The following TRPM3 variants were observed in gnomAD, a reference collection of about 807,000 sequenced individuals.
TRPM3 encodes the protein long transient receptor potential channel 3.
A neutral mutation model predicts 181.2 loss-of-function variants in TRPM3; 77 were observed. That is an observed-to-expected ratio of 0.42 (90% confidence interval 0.35 to 0.51). TRPM3 has a LOEUF of 0.51. TRPM3 is among the 20% of genes least tolerant of loss of function. The pLI is 0.01. For synonymous variants in TRPM3, 745 were observed against 796.4 expected (o/e 0.94, Z 1.09); for missense variants, 1,759 against 2,196.7 (o/e 0.80, Z 3.98).
chr9:71,432,001 T>C (rs947792388), intron 1 of TRPM3, among the ~76,000 whole-genome samples: 1 of 152,220 alleles, frequency 6.6e-6, no homozygotes, highest in Admixed American at 6.5e-5. Context: ...ATACAGTCGT[T>C]GCCCTGAAGG....
intron 1 of TRPM3, among the ~76,000 whole-genome samples, chr9:71,234,534 G>C (rs1464435046): frequency 1.3e-5 from 2 of 152,124 alleles, no homozygotes; most frequent in African/African-American, 4.8e-5. Flanking sequence ...TCAAGGTGTT[G>C]GCAGCATTGG....
chr9:70,536,350 A>G lies in TRPM3; in HGVS notation c.4763T>C (p.Val1588Ala), dbSNP rs765049568. The change falls in exon 26 of 26, where the codon GTG becomes GCG. Residue 1588 changes from valine to alanine, a missense_variant. By Grantham distance (64) the Val-to-Ala change is moderately conservative (BLOSUM62 0). Coordinates refer to ENST00000677713, the MANE Select transcript of TRPM3 (RefSeq NM_001366145.2). Reference protein sequence around the residue: ...AAFPGGLGDKVEDLTCCHPER... With the variant: ...AAFPGGLGDKAEDLTCCHPER... Reference sequence around the variant, plus strand: ...TGGATGGCAGCAAGTTAAGTCCTCCACTTTGTCTCCAAGACCTCCAGGGAA... The same window carrying G: ...TGGATGGCAGCAAGTTAAGTCCTCCGCTTTGTCTCCAAGACCTCCAGGGAA... 79 of 1,613,850 alleles carry G rather than the reference A, an allele frequency of 4.9e-5. No homozygotes were observed. The highest frequency in any genetic ancestry group is 6.5e-5 in the Non-Finnish European group (77 of 1,179,986).
chr9:71,133,997 G>A (rs2074561008), intron 1 of TRPM3, among the ~76,000 whole-genome samples: 1 of 148,814 alleles, frequency 6.7e-6, no homozygotes. Context: ...GTGTGTGTGT[G>A]TGTGTGTGTG....
At chr9:71,110,489 T>C (rs554184648) in intron 1 of TRPM3, among the ~76,000 whole-genome samples, 78 of 152,332 alleles carry the variant, frequency 5.1e-4, no homozygotes, top group South Asian at 4.1e-3. Context: ...CGATGTAATA[T>C]GAATTGAGTA....
chr9:71,255,901 C>T (rs1393567727), intron 1 of TRPM3, among the ~76,000 whole-genome samples: 1 of 152,052 alleles, frequency 6.6e-6, no homozygotes, highest in Non-Finnish European at 1.5e-5. Flanking sequence ...CAGCTGTTGC[C>T]ACAATTATCT....
At chr9:71,101,447 G>T (rs533135772) in intron 1 of TRPM3, among the ~76,000 whole-genome samples, 1 of 152,264 alleles carries the variant, frequency 6.6e-6, no homozygotes, top group African/African-American at 2.4e-5. Context: ...TGACCGAAGG[G>T]AAGGCTGAAT....
chr9:71,020,477 GA>G (rs71367248), intron 1 of TRPM3, among the ~76,000 whole-genome samples: 1,347 of 113,572 alleles, frequency 0.012, 16 homozygotes, highest in East Asian at 0.1. Context: ...ACCCCGTCTT[GA>G]AAAAAAAAAA....
intron 1 of TRPM3, among the ~76,000 whole-genome samples, chr9:71,349,262 TTGAC>T (rs772714437): frequency 5.8e-4 from 88 of 152,200 alleles, no homozygotes; most frequent in African/African-American, 1.8e-3. Flanking sequence ...AAATCAGTCT[TTGAC>T]TGAGAAAATT....
At chr9:70,778,410 T>C (rs2081859627) in intron 7 of TRPM3, among the ~76,000 whole-genome samples, 1 of 152,166 alleles carries the variant, frequency 6.6e-6, no homozygotes. Context: ...CCCTGCCTTA[T>C]TCATCTTCCA....
At chr9:70,577,651 A>G (rs1335640225) in intron 22 of TRPM3, among the ~76,000 whole-genome samples, 1 of 152,260 alleles carries the variant, frequency 6.6e-6, no homozygotes, top group Non-Finnish European at 1.5e-5. Flanking sequence ...AATCTGCTTA[A>G]GTACGACTGC....
At chr9:70,880,568 A>G (rs2095971237) in intron 1 of TRPM3, among the ~76,000 whole-genome samples, 1 of 152,232 alleles carries the variant, frequency 6.6e-6, no homozygotes, top group South Asian at 2.1e-4. Context: ...TGGTATTTGC[A>G]TGTGTGTATA....
chr9:71,227,803 G>A (rs2080781670), intron 1 of TRPM3, among the ~76,000 whole-genome samples: 1 of 152,052 alleles, frequency 6.6e-6, no homozygotes, highest in Non-Finnish European at 1.5e-5. Flanking sequence ...TCCAAAGCCT[G>A]AATAGACCAG....
chr9:70,776,583 G>C, intron 7 of TRPM3: 2 of 577,288 alleles, frequency 3.5e-6, no homozygotes, highest in Middle Eastern at 4.3e-4. Flanking sequence ...CAATAAATCT[G>C]TCAGTCCTGT....
chr9:71,445,458 T>C (rs1358997869), intron 1 of TRPM3, among the ~76,000 whole-genome samples: 3 of 152,218 alleles, frequency 2.0e-5, no homozygotes, highest in Non-Finnish European at 1.5e-5. Context: ...TATACCCATA[T>C]TTAGATGAAA....
Position 70,535,780 on chromosome 9 carries a change from C to A in TRPM3, c.*173G>T. 6.7e-7 allele frequency: 1 copy of A among 1,482,066 alleles called. No homozygotes were observed. Among genetic ancestry groups the A allele is most frequent in the East Asian group, 2.3e-5 (1 of 43,464 alleles). The allele number at this position is 1,482,066 out of a possible 1,614,324, so 91.8% of individuals were successfully genotyped here. On this transcript the variant is annotated 3_prime_UTR_variant, in exon 26 of 26. Coordinates refer to ENST00000677713, the MANE Select transcript of TRPM3 (RefSeq NM_001366145.2). Reference sequence around the variant, plus strand: ...GTCTGGCACTGGGTCAGATCAAATGCTTTCTTGATCTGTGGCCCAGAAGTC... The same window carrying A: ...GTCTGGCACTGGGTCAGATCAAATGATTTCTTGATCTGTGGCCCAGAAGTC...
chr9:70,637,916 T>C (rs2057467061), intron 11 of TRPM3, among the ~76,000 whole-genome samples: 1 of 152,186 alleles, frequency 6.6e-6, no homozygotes, highest in Non-Finnish European at 1.5e-5. Flanking sequence ...ATTTCCAATG[T>C]ACTAGTATTA....
chr9:70,975,121 G>T (rs986580686), intron 1 of TRPM3, among the ~76,000 whole-genome samples: 1 of 151,986 alleles, frequency 6.6e-6, no homozygotes, highest in South Asian at 2.1e-4. Context: ...TGCCATCTCA[G>T]ACTTTCAATG....
At chr9:71,047,264 T>C (rs1211382267) in intron 1 of TRPM3, among the ~76,000 whole-genome samples, 1 of 152,214 alleles carries the variant, frequency 6.6e-6, no homozygotes, top group Non-Finnish European at 1.5e-5. Context: ...GGAATTACCA[T>C]ATTCTAAGTT....
chr9:71,137,691 T>C (rs1430177332), intron 1 of TRPM3, among the ~76,000 whole-genome samples: 2 of 152,170 alleles, frequency 1.3e-5, no homozygotes, highest in South Asian at 2.1e-4. Context: ...ACCAAAGGAG[T>C]AACATGCAAG....
Sources: allele counts gnomAD v4.1 joint callset (sites outside exome capture counted in the v4.1 genomes callset), GRCh38; gene constraint gnomAD v4.1.1; transcripts MANE v1.5; gene names NCBI Gene and HGNC (gene_info 2026-07-23, HGNC 2026-07-21).